The following CFAP70 variants were observed in gnomAD, a reference collection of about 807,000 sequenced individuals.
CFAP70 encodes the protein cilia and flagella associated protein 70.
CFAP70 carries 81 observed loss-of-function variants against 137.6 expected under a neutral mutation model. The ratio of observed to expected loss-of-function variants is 0.59; its 90% CI spans 0.49 to 0.71. CFAP70 has a LOEUF of 0.71. CFAP70 is among the 30% of genes least tolerant of loss of function. The probability of loss-of-function intolerance (pLI) is 0.00; values close to 1 mark genes in which losing one functional copy is unlikely to be tolerated. For missense variants in CFAP70, 976 were observed against 1,226.7 expected (o/e 0.80, Z 3.05); for synonymous variants, 382 against 423.6 (o/e 0.90, Z 1.20).
At chr10:73,330,364 C>T (rs1482649608) in intron 8 of CFAP70, among the ~76,000 whole-genome samples, 2 of 149,466 alleles carry the variant, frequency 1.3e-5, no homozygotes, top group Non-Finnish European at 3.0e-5. Flanking sequence ...GCAGGAGAAT[C>T]GTTTGAACCC....
intron 6 of CFAP70, among the ~76,000 whole-genome samples, chr10:73,337,534 TG>T (rs2052792031): frequency 1.3e-5 from 2 of 151,940 alleles, no homozygotes; most frequent in South Asian, 2.1e-4. Context: ...AAAATAGCAG[TG>T]TTTTCCCAAC....
chr10:73,263,541 T>A (rs1472544492), intron 25 of CFAP70, among the ~76,000 whole-genome samples: 2 of 152,210 alleles, frequency 1.3e-5, no homozygotes, highest in Non-Finnish European at 2.9e-5. Context: ...TATTCCCCAA[T>A]TCATATTTGT....
intron 9 of CFAP70, among the ~76,000 whole-genome samples, chr10:73,320,492 T>TA (rs200097219): frequency 1.3e-5 from 2 of 151,398 alleles, no homozygotes; most frequent in Admixed American, 6.6e-5. Flanking sequence ...CTCTGCTAAT[T>TA]AAAAAAAAAT....
chr10:73,334,585 T>G (rs2052448507), intron 7 of CFAP70, among the ~76,000 whole-genome samples: 1 of 103,684 alleles, frequency 9.6e-6, no homozygotes, highest in African/African-American at 5.4e-5. Flanking sequence ...TTCTGGACTC[T>G]TTTTTTTTTT....
At chr10:73,283,383 G>A (rs895166126) in intron 19 of CFAP70, among the ~76,000 whole-genome samples, 2 of 152,122 alleles carry the variant, frequency 1.3e-5, no homozygotes, top group Non-Finnish European at 2.9e-5. Context: ...TCTATATTCT[G>A]TTAATTCTCT....
At chr10:73,339,669 G>A (rs1412085245) in intron 6 of CFAP70, among the ~76,000 whole-genome samples, 1 of 152,244 alleles carries the variant, frequency 6.6e-6, no homozygotes, top group Admixed American at 6.5e-5. Context: ...GGCTGCAGCA[G>A]AGCCGGCAGC....
chr10:73,277,043 G>A, intron 21 of CFAP70, 197 bp downstream of exon 22: 1 of 489,482 alleles, frequency 2.0e-6, no homozygotes, highest in East Asian at 3.9e-5. Context: ...AGCAGAACTT[G>A]CAGCGAGGTC....
chr10:73,300,926 G>A (rs2048901104), intron 12 of CFAP70, among the ~76,000 whole-genome samples: 1 of 152,166 alleles, frequency 6.6e-6, no homozygotes, highest in Non-Finnish European at 1.5e-5. Flanking sequence ...TTCTAGGTTT[G>A]GGAATAGAGC....
In CFAP70 at chr10:73,299,102, C is replaced by A. The variant is rs2048743416; in HGVS notation, c.1318-1G>T. 1 of 1,602,688 alleles carries A rather than the reference C, an allele frequency of 6.2e-7. No homozygotes were observed. The highest frequency in any genetic ancestry group is 1.7e-5 in the Admixed American group (1 of 57,834). The stretch of plus-strand genomic sequence containing the variant: ...TCTGTATGTGGTAGTCACTCACTGC[C>A]TAAGAAAATACAAAACATCTGGTAG... On this transcript the variant is annotated splice_acceptor_variant, in intron 13 of 26. Transcript: ENST00000310715. LOFTEE classifies it high-confidence loss of function.
intron 4 of CFAP70, among the ~76,000 whole-genome samples, chr10:73,347,442 A>G (rs1160672087): frequency 6.6e-6 from 1 of 152,190 alleles, no homozygotes; most frequent in Non-Finnish European, 1.5e-5. Context: ...AGAAAACCTA[A>G]AGACACTTAG....
intron 1 of CFAP70, among the ~76,000 whole-genome samples, chr10:73,358,472 C>G (rs139600937): frequency 6.6e-6 from 1 of 152,338 alleles, no homozygotes; most frequent in African/African-American, 2.4e-5. Flanking sequence ...AATGAGGAGG[C>G]CTCCGACGAG....
At chr10:73,307,838 A>T (rs893650972) in intron 12 of CFAP70, among the ~76,000 whole-genome samples, 5 of 152,128 alleles carry the variant, frequency 3.3e-5, no homozygotes, top group Admixed American at 2.0e-4. Context: ...CCAGACAGGA[A>T]ATTAGTAAAA....
intron 8 of CFAP70, among the ~76,000 whole-genome samples, chr10:73,323,678 C>T (rs957695381): frequency 7.9e-5 from 12 of 152,238 alleles, no homozygotes; most frequent in Admixed American, 3.3e-4. Context: ...GATTATATCC[C>T]GCACCTGGCT....
intron 19 of CFAP70, among the ~76,000 whole-genome samples, chr10:73,278,700 G>A (rs1318170941): frequency 6.6e-6 from 1 of 152,160 alleles, no homozygotes; most frequent in Non-Finnish European, 1.5e-5. Context: ...TAGGAGTGAG[G>A]CCGGGCGCGG....
intron 25 of CFAP70, among the ~76,000 whole-genome samples, chr10:73,266,043 T>C (rs746607821): frequency 2.6e-5 from 4 of 152,188 alleles, no homozygotes; most frequent in Non-Finnish European, 5.9e-5. Flanking sequence ...ATGGACATGG[T>C]ATATCTTTCT....
At chr10:73,354,673 CA>C in intron 2 of CFAP70, 60 bp downstream of exon 2, 1 of 1,431,454 alleles carries the variant, frequency 7.0e-7, no homozygotes, top group Non-Finnish European at 9.8e-7. Flanking sequence ...AGCAAAATTC[CA>C]TTCCTCCTGC....
At chr10:73,284,669 G>T (rs1564783161) in intron 19 of CFAP70, among the ~76,000 whole-genome samples, 3 of 108,884 alleles carry the variant, frequency 2.8e-5, no homozygotes, top group Non-Finnish European at 3.8e-5. Flanking sequence ...TGTAATTGTG[G>T]TTTTTTTTTA....
intron 24 of CFAP70, among the ~76,000 whole-genome samples, chr10:73,272,361 A>G (rs1589293186): frequency 6.7e-6 from 1 of 148,556 alleles, no homozygotes. Context: ...AAATAAATAA[A>G]TAAATAAGTG....
chr10:73,322,128 A>G (rs979665245), intron 9 of CFAP70, among the ~76,000 whole-genome samples: 2 of 152,230 alleles, frequency 1.3e-5, no homozygotes, highest in East Asian at 1.9e-4. Context: ...TATTGAGGTA[A>G]AATTAAAGTA....
Sources: allele counts gnomAD v4.1 joint callset (sites outside exome capture counted in the v4.1 genomes callset), GRCh38; gene constraint gnomAD v4.1.1; transcripts MANE v1.5; gene names NCBI Gene and HGNC (gene_info 2026-07-23, HGNC 2026-07-21).